CNTNAP2: variants seen among roughly 807,000 people sequenced by gnomAD.
The protein encoded by CNTNAP2 is contactin-associated protein-like 2.
CNTNAP2 carries 98 observed loss-of-function variants against 155.2 expected under a neutral mutation model. That is an observed-to-expected ratio of 0.63 (90% confidence interval 0.54 to 0.75). The LOEUF (loss-of-function observed/expected upper bound fraction) is 0.75, where lower values mean the gene tolerates loss of function less well. Among genes scored for constraint, CNTNAP2 ranks in the 30% least tolerant of loss-of-function variants. The pLI, the probability that CNTNAP2 is intolerant of heterozygous loss-of-function variation, is 0.00. For synonymous variants in CNTNAP2, 651 were observed against 631.2 expected, an observed-to-expected ratio of 1.03 and a Z score of -0.47; for missense variants, 1,727 against 1,688.1, an observed-to-expected ratio of 1.02 and a Z score of -0.40.
chr7:147,339,030 C>T (rs1172521417), intron 9 of CNTNAP2, among the ~76,000 whole-genome samples: 1 of 151,968 alleles, frequency 6.6e-6, no homozygotes, highest in Non-Finnish European at 1.5e-5. Context: ...TTAAATGCTG[C>T]CTTACAAGAA....
At chr7:146,352,181 C>G (rs1240930513) in intron 1 of CNTNAP2, among the ~76,000 whole-genome samples, 4 of 152,122 alleles carry the variant, frequency 2.6e-5, no homozygotes, top group African/African-American at 9.7e-5. Flanking sequence ...ATGTTGTACA[C>G]TATTCATCTT....
chr7:146,895,415 T>C (rs1487047509), intron 3 of CNTNAP2, among the ~76,000 whole-genome samples: 1 of 151,720 alleles, frequency 6.6e-6, no homozygotes, highest in African/African-American at 2.4e-5. Context: ...AATTTAATCA[T>C]GAAATTCACA....
At chr7:146,716,073 T>C (rs1413587561) in intron 1 of CNTNAP2, among the ~76,000 whole-genome samples, 5 of 152,166 alleles carry the variant, frequency 3.3e-5, no homozygotes, top group Non-Finnish European at 2.9e-5. Context: ...TACAACCAGA[T>C]GGAAAGAACA....
intron 1 of CNTNAP2, among the ~76,000 whole-genome samples, chr7:146,354,352 A>G (rs1347999782): frequency 6.6e-6 from 1 of 152,116 alleles, no homozygotes; most frequent in African/African-American, 2.4e-5. Flanking sequence ...CTGTAGACAC[A>G]GTCTAATTAT....
At chr7:147,523,228 G>A (rs1799261102) in intron 11 of CNTNAP2, among the ~76,000 whole-genome samples, 2 of 152,278 alleles carry the variant, frequency 1.3e-5, no homozygotes, top group South Asian at 4.1e-4. Flanking sequence ...GGGCACATCT[G>A]TTCTTTCTCA....
intron 1 of CNTNAP2, among the ~76,000 whole-genome samples, chr7:146,324,714 C>T (rs1257042904): frequency 6.6e-6 from 1 of 151,756 alleles, no homozygotes; most frequent in Non-Finnish European, 1.5e-5. Flanking sequence ...ATGTTTCTTC[C>T]TTTGTCCTTC....
chr7:147,468,811 A>G (rs1798162782), intron 10 of CNTNAP2, among the ~76,000 whole-genome samples: 2 of 147,742 alleles, frequency 1.4e-5, no homozygotes, highest in Non-Finnish European at 3.0e-5. Context: ...AAACTGCCTT[A>G]TTATTTTCTT....
intron 22 of CNTNAP2, among the ~76,000 whole-genome samples, chr7:148,388,188 C>T (rs925270245): frequency 1.3e-4 from 20 of 152,082 alleles, no homozygotes; most frequent in African/African-American, 4.8e-4. Context: ...TACATGTGCA[C>T]ATTGTGCAGG....
chr7:146,686,163 G>T (rs1413511142), intron 1 of CNTNAP2, among the ~76,000 whole-genome samples: 3 of 152,024 alleles, frequency 2.0e-5, no homozygotes, highest in African/African-American at 7.2e-5. Flanking sequence ...TTACCCAGGA[G>T]TGGTGGCATG....
intron 8 of CNTNAP2, among the ~76,000 whole-genome samples, chr7:147,261,454 A>C (rs535790823): frequency 1.3e-5 from 2 of 152,288 alleles, no homozygotes; most frequent in Admixed American, 6.5e-5. Flanking sequence ...ATAGCTCCAC[A>C]TACAATTCTA....
At chr7:147,721,962 C>G (rs1189019333) in intron 13 of CNTNAP2, among the ~76,000 whole-genome samples, 1 of 152,162 alleles carries the variant, frequency 6.6e-6, no homozygotes, top group Non-Finnish European at 1.5e-5. Context: ...TACCAGACAT[C>G]TTAGTCCTGG....
rs200246824 is a variant in CNTNAP2, at chr7:146,738,461, T to C, written c.98-35810T>C. On this transcript the variant is annotated intron_variant, in intron 1 of 23. Coordinates refer to ENST00000361727, the MANE Select transcript of CNTNAP2 (RefSeq NM_014141.6). ...CAAATAGTGTCTTCCATTCAGTAGA[T>C]TTTCTCTTCGTTTTGTTTATTGTTC... 1.4e-4 allele frequency among the ~76,000 whole-genome samples: 21 copies of C among 152,014 alleles called. No homozygotes were observed. The East Asian group carries it at 3.8e-3, about 28-fold the overall frequency.
intron 8 of CNTNAP2, among the ~76,000 whole-genome samples, chr7:147,141,509 A>G (rs947937150): frequency 2.6e-5 from 4 of 151,996 alleles, no homozygotes; most frequent in Non-Finnish European, 4.4e-5. Flanking sequence ...GCTTGGAACA[A>G]CTCCACAAGA....
intron 13 of CNTNAP2, among the ~76,000 whole-genome samples, chr7:147,665,582 T>A (rs1795679910): frequency 6.6e-6 from 1 of 152,192 alleles, no homozygotes; most frequent in South Asian, 2.1e-4. Context: ...TTTCATCACC[T>A]TAGTACCCAT....
At chr7:146,539,529 A>G (rs1490125103) in intron 1 of CNTNAP2, among the ~76,000 whole-genome samples, 17 of 150,616 alleles carry the variant, frequency 1.1e-4, no homozygotes, top group Non-Finnish European at 8.9e-5. Context: ...AAGCTACGGT[A>G]GAAACATGAA....
At chr7:148,286,185 A>G (rs530363435) in intron 21 of CNTNAP2, among the ~76,000 whole-genome samples, 2 of 152,316 alleles carry the variant, frequency 1.3e-5, no homozygotes, top group South Asian at 2.1e-4. Flanking sequence ...GAAAATCTAC[A>G]TATAAGTAGA....
intron 10 of CNTNAP2, among the ~76,000 whole-genome samples, chr7:147,468,380 A>T (rs1798156213): frequency 6.6e-6 from 1 of 152,192 alleles, no homozygotes; most frequent in Admixed American, 6.5e-5. Context: ...TTGTATATTG[A>T]TTAACTTGTG....
At chr7:147,413,284 C>G (rs190096152) in intron 10 of CNTNAP2, among the ~76,000 whole-genome samples, 31 of 152,128 alleles carry the variant, frequency 2.0e-4, no homozygotes, top group African/African-American at 6.5e-4. Context: ...TTGGATGTCA[C>G]GAGGGAATGG....
chr7:147,822,394 T>C (rs1011201322), intron 13 of CNTNAP2, among the ~76,000 whole-genome samples: 1 of 152,154 alleles, frequency 6.6e-6, no homozygotes, highest in Non-Finnish European at 1.5e-5. Flanking sequence ...TATAACAAGA[T>C]GTTCTCACTT....
Sources: allele counts gnomAD v4.1 joint callset (sites outside exome capture counted in the v4.1 genomes callset), GRCh38; gene constraint gnomAD v4.1.1; transcripts MANE v1.5; gene names NCBI Gene and HGNC (gene_info 2026-07-23, HGNC 2026-07-21).